TSHZ2: variants seen among roughly 807,000 people sequenced by gnomAD.
TSHZ2 encodes the protein teashirt homolog 2.
TSHZ2 carries 21 observed loss-of-function variants against 74.4 expected under a neutral mutation model. That is an observed-to-expected ratio of 0.28 (90% CI 0.20 to 0.41). The LOEUF (loss-of-function observed/expected upper bound fraction) is 0.41. Ranked by LOEUF, TSHZ2 falls within the 10% of genes least tolerant of loss-of-function variation. TSHZ2 has a pLI of 1.00. For missense variants in TSHZ2, 1,244 were observed against 1,293.5 expected (o/e 0.96, Z 0.59); for synonymous variants, 540 against 515.3 (o/e 1.05, Z -0.65).
rs117087467 is a variant in TSHZ2 at position 53,305,632 on chromosome 20, T to A, written c.*8+49061T>A. ...AGGTGCTTTGATCTCACCTTGAACA[T>A]GCTTATTTTCAGTGTCTGGCTCTTT... is the stretch of plus-strand genomic sequence containing the variant. On this transcript the variant is annotated intron_variant, in intron 2 of 2. Coordinates refer to ENST00000371497, the MANE Select transcript of TSHZ2 (RefSeq NM_173485.6). Among the ~76,000 whole-genome samples, 909 of 152,276 alleles carry A rather than the reference T, an allele frequency of 6.0e-3. 2 individuals are homozygous for A. Among genetic ancestry groups the A allele is most frequent in the Middle Eastern group, 0.02 (6 of 294 alleles).
chr20:53,244,863 G>C (rs1990164352), intron 1 of TSHZ2, among the ~76,000 whole-genome samples: 1 of 152,168 alleles, frequency 6.6e-6, no homozygotes, highest in Admixed American at 6.5e-5. Flanking sequence ...TTGTACAAGT[G>C]ATTTAATATT....
intron 2 of TSHZ2, among the ~76,000 whole-genome samples, chr20:53,444,150 G>A (rs1394343117): frequency 1.3e-5 from 2 of 152,136 alleles, no homozygotes; most frequent in African/African-American, 2.4e-5. Flanking sequence ...AAATGGACAG[G>A]TCATGGTTCA....
At chr20:53,343,673 G>A (rs1045694908) in intron 2 of TSHZ2, among the ~76,000 whole-genome samples, 8 of 152,188 alleles carry the variant, frequency 5.3e-5, no homozygotes, top group African/African-American at 1.9e-4. Flanking sequence ...TGGAAGGCAG[G>A]CTGGGAGGAA....
Position 53,123,364 on chromosome 20 carries a change from A to C in TSHZ2, c.41-130135A>C, listed in dbSNP as rs113308041. Among the ~76,000 whole-genome samples the C allele has an allele frequency of 2.2e-3, 328 of 152,246 alleles. 2 individuals carry two copies. The highest frequency in any genetic ancestry group is 7.2e-3 in the African/African-American group (298 of 41,542). On this transcript the variant is annotated intron_variant, in intron 1 of 2. Transcript: ENST00000371497. ...GGTCCTCTTCAATAAACGTATGATC[A>C]GCTTCCATGAGGGATTACAGCCTCT...
At chr20:53,164,564 C>G (rs1489216093) in intron 1 of TSHZ2, among the ~76,000 whole-genome samples, 2 of 152,198 alleles carry the variant, frequency 1.3e-5, no homozygotes, top group African/African-American at 2.4e-5. Flanking sequence ...ACACTAGTAG[C>G]ACTAGGCATC....
chr20:53,028,071 C>T (rs1222859218), intron 1 of TSHZ2, among the ~76,000 whole-genome samples: 2 of 152,154 alleles, frequency 1.3e-5, no homozygotes, highest in Non-Finnish European at 2.9e-5. Context: ...CATTAAGAAG[C>T]AGCATCTACA....
At chr20:53,166,226 T>C (rs944004256) in intron 1 of TSHZ2, among the ~76,000 whole-genome samples, 7 of 152,182 alleles carry the variant, frequency 4.6e-5, no homozygotes, top group African/African-American at 1.7e-4. Flanking sequence ...ACATATTCTA[T>C]TAATCAAGTT....
At chr20:53,358,303 G>GAAA (rs58636181) in intron 2 of TSHZ2, among the ~76,000 whole-genome samples, 2 of 100,556 alleles carry the variant, frequency 2.0e-5, no homozygotes, top group South Asian at 3.6e-4. Context: ...AGACCAGGCA[G>GAAA]AAAAAAAAAA....
chr20:53,256,623 C>CAGGGAGATGGGTCTGCTTAG lies in TSHZ2; in HGVS notation c.*8+56_*8+75dup, dbSNP rs1471939984. The CAGGGAGATGGGTCTGCTTAG allele has an allele frequency of 6.6e-6, 10 of 1,517,514 alleles. No individual in the cohort carries two copies. In the Admixed American group the frequency reaches 2.1e-4, roughly 31 times the overall value. 94.0% of individuals were successfully genotyped at this position (1,517,514 alleles called of 1,614,324 possible). ...ATTAGCCTGGTGAGGAGCTTTCTTA[C>CAGGGAGATGGGTCTGCTTAG]AGGGAGATGGGTCTGCTTAGAGGCA... is the stretch of plus-strand genomic sequence containing the variant. On this transcript the variant is annotated intron_variant, in intron 2 of 2. Transcript: ENST00000371497. The surrounding 1 kb of genome is among the most constrained non-coding windows in gnomAD (Gnocchi z 4.3).
intron 1 of TSHZ2, among the ~76,000 whole-genome samples, chr20:53,199,366 C>G (rs1988946066): frequency 6.6e-6 from 1 of 152,048 alleles, no homozygotes; most frequent in African/African-American, 2.4e-5. Context: ...CCCAGCTACT[C>G]AGGAAGCAGA....
chr20:53,288,100 C>G (rs1199124729), intron 2 of TSHZ2, among the ~76,000 whole-genome samples: 2 of 151,984 alleles, frequency 1.3e-5, no homozygotes, highest in African/African-American at 4.8e-5. Context: ...TTCTTAATGT[C>G]AAAAACTAGT....
At position 53,253,789 on chromosome 20, in the gene TSHZ2, C is replaced by T; in HGVS notation, c.331C>T (p.His111Tyr). 6.2e-7 allele frequency: 1 copy of T among 1,614,194 alleles called. No individual in the cohort carries two copies. The highest frequency in any genetic ancestry group is 1.1e-5 in the South Asian group (1 of 91,088). ...RDASDKKAHT[H>Y]VRLPNEAHNC... ...TGCCTCAGACAAGAAAGCACACACT[C>T]ACGTCAGGCTTCCAAACGAAGCACA... The change falls in exon 2 of 3, where the codon CAC (histidine) becomes TAC (tyrosine). Residue 111 changes from histidine to tyrosine, a missense_variant. His to Tyr is a moderately conservative substitution (Grantham distance 83). Around this residue, in one of 6 missense-constraint regions of TSHZ2, gnomAD observed 470 missense variants for 456.5 expected, o/e 1.03. Coordinates refer to ENST00000371497, the MANE Select transcript of TSHZ2 (RefSeq NM_173485.6).
chr20:53,306,262 T>A (rs918560021), intron 2 of TSHZ2, among the ~76,000 whole-genome samples: 1 of 152,176 alleles, frequency 6.6e-6, no homozygotes, highest in Admixed American at 6.5e-5. Context: ...AAGCAAACAC[T>A]TTCTTGGACC....
intron 1 of TSHZ2, among the ~76,000 whole-genome samples, chr20:53,043,395 G>T (rs1568733252): frequency 6.6e-6 from 1 of 152,100 alleles, no homozygotes; most frequent in Non-Finnish European, 1.5e-5. Context: ...TAGAGACCAG[G>T]AATACTGATA....
rs1226956372 is a variant in TSHZ2, at chr20:53,138,715, G to A, written c.41-114784G>A. ...GAGAACCCTTCTCTAAGTCCCTCAG[G>A]TGGAATTCACCAGGCCTCTGAGCTG... On this transcript the variant is annotated intron_variant, in intron 1 of 2. Coordinates refer to ENST00000371497, the MANE Select transcript of TSHZ2 (RefSeq NM_173485.6). 4.6e-5 allele frequency among the ~76,000 whole-genome samples: 7 copies of A among 152,272 alleles called. No individual in the cohort carries two copies. The East Asian group carries it at 1.2e-3, about 25-fold the overall frequency.
At position 53,391,712 on chromosome 20, in the gene TSHZ2, G is replaced by C. The variant is rs181712325; in HGVS notation, c.*9-95432G>C. On this transcript the variant is annotated intron_variant, in intron 2 of 2. Transcript: ENST00000371497. ...AATCCCAACACTTTGGGAGGCTGAGGTGGGTGGATCACCTGAGATCAGGAG... is the reference window on the plus strand; with the variant it reads ...AATCCCAACACTTTGGGAGGCTGAGCTGGGTGGATCACCTGAGATCAGGAG... 7.2e-5 allele frequency among the ~76,000 whole-genome samples: 11 copies of C among 152,330 alleles called. No individual in the cohort carries two copies. In the East Asian group the frequency reaches 1.4e-3, roughly 19 times the overall value.
chr20:53,464,847 G>A (rs2145822268), intron 2 of TSHZ2, among the ~76,000 whole-genome samples: 1 of 152,252 alleles, frequency 6.6e-6, no homozygotes, highest in East Asian at 1.9e-4. Flanking sequence ...GCTCACTGCA[G>A]CCTTAAACTC....
Position 53,048,918 on chromosome 20 carries a change from A to G in TSHZ2, c.40+75585A>G, listed in dbSNP as rs1363113940. On this transcript the variant is annotated intron_variant, in intron 1 of 2. Transcript: ENST00000371497. ...TGCACATTTTTAAAATAAAAATAAA[A>G]TAGGTCAGAGATTCACCCAGCTGGC... Among the ~76,000 whole-genome samples the G allele has an allele frequency of 2.0e-5, 3 of 152,190 alleles. No homozygotes were observed. In the East Asian group the frequency reaches 5.8e-4, roughly 29 times the overall value.
intron 1 of TSHZ2, among the ~76,000 whole-genome samples, chr20:53,204,616 C>T (rs753397067): frequency 1.1e-4 from 16 of 152,068 alleles, no homozygotes; most frequent in Middle Eastern, 3.2e-3. Context: ...TCACTTGCAA[C>T]AAAAACAGAG....
Sources: gnomAD v4.1 joint callset for allele counts (sites outside exome capture counted in the v4.1 genomes callset) on GRCh38, gnomAD v4.1.1 for gene constraint, gnomAD v4.1.1 regional missense constraint, Gnocchi (gnomAD v3.1) non-coding constraint, MANE v1.5 for transcripts, NCBI Gene and HGNC (gene_info 2026-07-23, HGNC 2026-07-21) for gene names.